Variants in CRTAC1 observed in about 807,000 individuals in gnomAD.
CRTAC1 encodes cartilage acidic protein 1.
CRTAC1 carries 37 observed loss-of-function variants against 67.8 expected under a neutral mutation model. The observed-to-expected ratio is 0.55, with a 90% CI of 0.42 to 0.72. The LOEUF (loss-of-function observed/expected upper bound fraction) is 0.72. CRTAC1 is among the 30% of genes least tolerant of loss of function. The pLI is 0.00. For synonymous variants in CRTAC1, 348 were observed against 371.0 expected (o/e 0.94, Z 0.71); for missense variants, 780 against 931.6 (o/e 0.84, Z 2.12).
At chr10:97,936,052 G>A (rs1400325496) in intron 3 of CRTAC1, 118 bp downstream of exon 3, 5 of 955,230 alleles carry the variant, frequency 5.2e-6, no homozygotes, top group Non-Finnish European at 6.3e-6. Flanking sequence ...AGGGGGCAGT[G>A]CCTAGGGGGA....
chr10:97,915,839 G>T lies in CRTAC1; in HGVS notation c.715+1661C>A, dbSNP rs144353883. On this transcript the variant is annotated intron_variant, in intron 5 of 14. Coordinates refer to ENST00000370597, the MANE Select transcript of CRTAC1 (RefSeq NM_018058.7). Reference sequence around the variant, plus strand: ...GAAGTCTGCAGAGCTGTTCGAACACGTCCTCTGGGCACGCCAGCTGCCCCA... The same window carrying T: ...GAAGTCTGCAGAGCTGTTCGAACACTTCCTCTGGGCACGCCAGCTGCCCCA... Among the ~76,000 whole-genome samples, 12 of 152,226 alleles carry T rather than the reference G, an allele frequency of 7.9e-5. No homozygotes were observed. The South Asian group carries it at 2.3e-3, about 29-fold the overall frequency.
chr10:97,982,123 C>T (rs2051901380), intron 2 of CRTAC1, among the ~76,000 whole-genome samples: 1 of 152,192 alleles, frequency 6.6e-6, no homozygotes, highest in African/African-American at 2.4e-5. Flanking sequence ...TAATCCTATT[C>T]TTTCATACCT....
Position 97,904,825 on chromosome 10 carries a change from G to A in CRTAC1, c.851-11C>T, listed in dbSNP as rs2050588665. On this transcript the variant is annotated splice_polypyrimidine_tract_variant and intron_variant, in intron 6 of 14. Coordinates refer to ENST00000370597, the MANE Select transcript of CRTAC1 (RefSeq NM_018058.7). ...GGGGGTCGTCCACACCTGGGGAGGA[G>A]AGGCAGGAACTCTCAGGGCGGCATC... 6.3e-7 allele frequency: 1 copy of A among 1,589,798 alleles called. No homozygotes were observed. The highest frequency in any genetic ancestry group is 8.5e-7 in the Non-Finnish European group (1 of 1,170,854).
chr10:97,992,965 G>T (rs2136674852), intron 2 of CRTAC1, among the ~76,000 whole-genome samples: 1 of 152,288 alleles, frequency 6.6e-6, no homozygotes, highest in African/African-American at 2.4e-5. Flanking sequence ...GTGAGGTAAT[G>T]CATATCTTAA....
Position 98,017,800 on chromosome 10 carries a change from G to C in CRTAC1, c.25-6463C>G, listed in dbSNP as rs544606961. Among the ~76,000 whole-genome samples the C allele has an allele frequency of 7.9e-5, 12 of 151,670 alleles. No homozygotes were observed. The South Asian group carries it at 1.2e-3, about 16-fold the overall frequency. On this transcript the variant is annotated intron_variant, in intron 1 of 14. Transcript: ENST00000370597. ...CAATTCTCCACAGTGGCCTTCCAAAGTGCTGAGATTACAGGTGTGAGCCAT... is the reference window on the plus strand; with the variant it reads ...CAATTCTCCACAGTGGCCTTCCAAACTGCTGAGATTACAGGTGTGAGCCAT...
intron 3 of CRTAC1, among the ~76,000 whole-genome samples, chr10:97,924,033 G>A (rs1164570544): frequency 6.6e-6 from 1 of 152,130 alleles, no homozygotes; most frequent in African/African-American, 2.4e-5. Flanking sequence ...CACCTCTTTT[G>A]GATTACTGGC....
chr10:98,030,540 G>C lies in CRTAC1; in HGVS notation c.-68C>G. ...GCGCTCGCTGCCGCCTCTGCCGCCG[G>C]CGCCGCCGCCTGCTTGCTCCCAGCC... is the stretch of plus-strand genomic sequence containing the variant. On this transcript the variant is annotated 5_prime_UTR_variant, in exon 1 of 15. Transcript: ENST00000370597. The surrounding 1 kb of genome is among the most constrained non-coding windows in gnomAD (Gnocchi z 4.2). 8.9e-7 allele frequency: 1 copy of C among 1,125,904 alleles called. No homozygotes were observed. Among genetic ancestry groups the C allele is most frequent in the Non-Finnish European group, 1.1e-6 (1 of 884,038 alleles). The allele number at this position is 1,125,904 out of a possible 1,614,324, so 69.7% of individuals were successfully genotyped here.
intron 2 of CRTAC1, among the ~76,000 whole-genome samples, chr10:97,992,916 A>C (rs1051574694): frequency 6.6e-6 from 1 of 152,252 alleles, no homozygotes; most frequent in Non-Finnish European, 1.5e-5. Flanking sequence ...CTCCAAAATC[A>C]CTAAGAGAGT....
Position 97,884,199 on chromosome 10 carries a change from T to A in CRTAC1, c.1632+7A>T. 1 of 1,563,370 alleles carries A rather than the reference T, an allele frequency of 6.4e-7. No homozygotes were observed. Among genetic ancestry groups the A allele is most frequent in the Non-Finnish European group, 8.7e-7 (1 of 1,153,116 alleles). On this transcript the variant is annotated splice_region_variant and intron_variant, in intron 12 of 14. Coordinates refer to ENST00000370597, the MANE Select transcript of CRTAC1 (RefSeq NM_018058.7). The stretch of plus-strand genomic sequence containing the variant: ...TCTGGCTATGAGGCCCAGATGCCTT[T>A]GCCCACCTCCAGTGGGGCTGGGTCC...
At chr10:97,973,860 G>A (rs1054026637) in intron 2 of CRTAC1, among the ~76,000 whole-genome samples, 2 of 151,472 alleles carry the variant, frequency 1.3e-5, no homozygotes, top group Non-Finnish European at 2.9e-5. Context: ...TGTGTGGATA[G>A]GCCCTAGGGG....
intron 2 of CRTAC1, among the ~76,000 whole-genome samples, chr10:98,008,009 G>C (rs1391860167): frequency 6.6e-6 from 1 of 152,176 alleles, no homozygotes; most frequent in Non-Finnish European, 1.5e-5. Context: ...TGCACACAGA[G>C]CCCACATTTA....
intron 13 of CRTAC1, 84 bp from the exon 14 acceptor site, chr10:97,880,476 G>A: frequency 6.5e-7 from 1 of 1,543,316 alleles, no homozygotes; most frequent in Non-Finnish European, 8.9e-7. Context: ...ACACTGTCTG[G>A]CTTTGGGAAT....
chr10:97,940,402 C>T (rs1450424650), intron 2 of CRTAC1, among the ~76,000 whole-genome samples: 1 of 152,254 alleles, frequency 6.6e-6, no homozygotes, highest in East Asian at 1.9e-4. Context: ...AAGCTAAATT[C>T]TGGAGGCTTC....
intron 2 of CRTAC1, among the ~76,000 whole-genome samples, chr10:97,939,765 G>A (rs1024301650): frequency 6.6e-6 from 1 of 152,078 alleles, no homozygotes. Flanking sequence ...AGCTGCAGCA[G>A]TCCCCTCCCA....
chr10:97,966,997 C>G lies in CRTAC1; in HGVS notation c.225-30631G>C, dbSNP rs896223889. On this transcript the variant is annotated intron_variant, in intron 2 of 14. Transcript: ENST00000370597. ...GTGTTTCTCCATTGTAAAGTCACCC[C>G]CCCCCCCCCGACATCCTACATGCTT... Among the ~76,000 whole-genome samples, 147 of 148,530 alleles carry G rather than the reference C, an allele frequency of 9.9e-4. 1 individual carries two copies. The highest frequency in any genetic ancestry group is 1.8e-3 in the East Asian group (9 of 4,916).
At chr10:97,972,080 A>T (rs892333058) in intron 2 of CRTAC1, among the ~76,000 whole-genome samples, 1 of 152,302 alleles carries the variant, frequency 6.6e-6, no homozygotes, top group East Asian at 1.9e-4. Context: ...TGGCCTGACC[A>T]TCACACTTAC....
intron 3 of CRTAC1, among the ~76,000 whole-genome samples, chr10:97,927,463 C>T (rs2136602458): frequency 6.6e-6 from 1 of 152,314 alleles, no homozygotes; most frequent in East Asian, 1.9e-4. Flanking sequence ...TGTAGACCAC[C>T]TCTTAGCACC....
At chr10:97,890,423 A>G (rs1048536336) in intron 11 of CRTAC1, among the ~76,000 whole-genome samples, 1 of 152,096 alleles carries the variant, frequency 6.6e-6, no homozygotes, top group Non-Finnish European at 1.5e-5. Context: ...ACATAGGTTA[A>G]GAGGGGGAAA....
At chr10:97,938,726 A>G (rs975715999) in intron 2 of CRTAC1, among the ~76,000 whole-genome samples, 1 of 152,178 alleles carries the variant, frequency 6.6e-6, no homozygotes, top group Non-Finnish European at 1.5e-5. Flanking sequence ...ACACTTTACA[A>G]AGCACTTTCT....
Sources: allele counts gnomAD v4.1 joint callset (sites outside exome capture counted in the v4.1 genomes callset), GRCh38; gene constraint gnomAD v4.1.1; non-coding constraint Gnocchi (gnomAD v3.1); transcripts MANE v1.5; gene names NCBI Gene and HGNC (gene_info 2026-07-23, HGNC 2026-07-21).